The following MAGI2 variants were observed in gnomAD, a reference collection of about 807,000 sequenced individuals.
MAGI2 encodes membrane-associated guanylate kinase, WW and PDZ domain-containing protein 2.
In MAGI2, 35 loss-of-function variants were observed where a neutral mutation model predicts 133.3. That is an observed-to-expected ratio of 0.26 (90% CI 0.20 to 0.35). The LOEUF (loss-of-function observed/expected upper bound fraction) is 0.35, where lower values mean the gene tolerates loss of function less well. Ranked by LOEUF, MAGI2 falls within the 10% of genes least tolerant of loss-of-function variation. The pLI is 1.00. For synonymous variants in MAGI2, 729 were observed against 710.6 expected (o/e 1.03, Z -0.41); for missense variants, 1,636 against 1,863.4 (o/e 0.88, Z 2.25).
intron 2 of MAGI2, among the ~76,000 whole-genome samples, chr7:78,932,719 A>G (rs1472844973): frequency 6.6e-6 from 1 of 152,122 alleles, no homozygotes; most frequent in African/African-American, 2.4e-5. Context: ...ATAGTATTAA[A>G]TTTGTAAAGC....
intron 1 of MAGI2, among the ~76,000 whole-genome samples, chr7:79,271,464 T>C (rs1337994575): frequency 6.6e-6 from 1 of 152,116 alleles, no homozygotes; most frequent in African/African-American, 2.4e-5. Context: ...GGAATCAGCT[T>C]GCCTTGTGTT....
At chr7:78,054,630 G>A (rs1812369884) in intron 21 of MAGI2, among the ~76,000 whole-genome samples, 1 of 150,038 alleles carries the variant, frequency 6.7e-6, no homozygotes, top group Non-Finnish European at 1.5e-5. Flanking sequence ...CTTCTGGAGG[G>A]AAGGACCTGA....
chr7:78,467,162 G>C (rs1477033), intron 6 of MAGI2, among the ~76,000 whole-genome samples: 50,914 of 151,976 alleles, frequency 0.34, 9,403 homozygotes, highest in Non-Finnish European at 0.44. Flanking sequence ...TATTCACTGT[G>C]ATATGCTGGT....
chr7:79,398,947 A>T (rs1845252483), intron 1 of MAGI2, among the ~76,000 whole-genome samples: 1 of 152,114 alleles, frequency 6.6e-6, no homozygotes, highest in South Asian at 2.1e-4. Flanking sequence ...TTTATCTAAG[A>T]ACCCTAAATT....
intron 1 of MAGI2, among the ~76,000 whole-genome samples, chr7:79,317,001 G>GTT (rs1182186678): frequency 4.5e-5 from 6 of 134,200 alleles, no homozygotes; most frequent in Admixed American, 7.5e-5. Context: ...AAAATGTAGG[G>GTT]TTTTTTTTTT....
At chr7:78,792,544 C>A (rs1389796085) in intron 2 of MAGI2, among the ~76,000 whole-genome samples, 2 of 152,158 alleles carry the variant, frequency 1.3e-5, no homozygotes, top group African/African-American at 4.8e-5. Flanking sequence ...CCTACACACC[C>A]AGCCTGTCAA....
intron 1 of MAGI2, among the ~76,000 whole-genome samples, chr7:79,016,326 C>T (rs575973123): frequency 1.6e-4 from 24 of 152,034 alleles, no homozygotes; most frequent in Non-Finnish European, 3.2e-4. Context: ...GACCAGAGCA[C>T]CTTTGGTCTG....
At chr7:79,083,392 G>T (rs1816223342) in intron 1 of MAGI2, among the ~76,000 whole-genome samples, 1 of 150,780 alleles carries the variant, frequency 6.6e-6, no homozygotes, top group African/African-American at 2.4e-5. Flanking sequence ...ACATTAGATG[G>T]TGTTAGATTT....
intron 2 of MAGI2, among the ~76,000 whole-genome samples, chr7:78,985,966 C>A (rs544797682): frequency 6.6e-6 from 1 of 152,118 alleles, no homozygotes; most frequent in Non-Finnish European, 1.5e-5. Flanking sequence ...TTCCATGCAA[C>A]CCAATCAATC....
intron 3 of MAGI2, among the ~76,000 whole-genome samples, chr7:78,606,919 A>C (rs912331867): frequency 6.6e-6 from 1 of 152,122 alleles, no homozygotes; most frequent in Non-Finnish European, 1.5e-5. Context: ...CCCAATTTCT[A>C]ATTTTAAATG....
intron 21 of MAGI2, among the ~76,000 whole-genome samples, chr7:78,057,818 T>C (rs1310100889): frequency 6.6e-6 from 1 of 151,638 alleles, no homozygotes; most frequent in Non-Finnish European, 1.5e-5. Flanking sequence ...TGCCTGGGCA[T>C]TGCCTGATAT....
chr7:78,863,461 T>C (rs959495179), intron 2 of MAGI2, among the ~76,000 whole-genome samples: 1 of 152,178 alleles, frequency 6.6e-6, no homozygotes, highest in East Asian at 1.9e-4. Context: ...GCCAGGCTCT[T>C]TTCAACAACC....
chr7:78,734,428 A>T (rs1280894743), intron 2 of MAGI2, among the ~76,000 whole-genome samples: 4 of 152,136 alleles, frequency 2.6e-5, no homozygotes, highest in Non-Finnish European at 5.9e-5. Context: ...TTCTTGACCT[A>T]CCTCAGTGAG....
intron 2 of MAGI2, among the ~76,000 whole-genome samples, chr7:78,877,813 C>T (rs1462715944): frequency 6.6e-6 from 1 of 152,222 alleles, no homozygotes; most frequent in Non-Finnish European, 1.5e-5. Context: ...TTTAATTTAA[C>T]ATCAGGATAA....
chr7:78,377,953 A>C (rs2151284667), intron 6 of MAGI2, among the ~76,000 whole-genome samples: 1 of 152,194 alleles, frequency 6.6e-6, no homozygotes, highest in African/African-American at 2.4e-5. Flanking sequence ...ATTGCAAACA[A>C]GAAAGTTGTA....
intron 20 of MAGI2, among the ~76,000 whole-genome samples, chr7:78,119,183 G>A (rs1390914644): frequency 6.6e-6 from 1 of 152,152 alleles, no homozygotes; most frequent in East Asian, 1.9e-4. Flanking sequence ...GTGGAACACG[G>A]AGAATTTTTA....
In MAGI2 at chr7:79,431,075, C is replaced by T. The variant is rs545178741; in HGVS notation, c.301+21945G>A. 2.0e-3 allele frequency among the ~76,000 whole-genome samples: 303 copies of T among 152,250 alleles called. 1 individual carries two copies. The highest frequency in any genetic ancestry group is 3.5e-3 in the Non-Finnish European group (240 of 68,024). On this transcript the variant is annotated intron_variant, in intron 1 of 21. Transcript: ENST00000354212. ...CTGGAAATAATCATAATAATTGGAA[C>T]CAGCAGAAAGAAATAGCTGATGCTG...
chr7:78,201,040 T>C lies in MAGI2; in HGVS notation c.2079+122A>G, dbSNP rs573133386. ...GACAAAAGGACACAGAGGATTTATT[T>C]TTTTTACATCACAGACTCCTAGAGT... On this transcript the variant is annotated intron_variant, in intron 11 of 21. Transcript: ENST00000354212. 4 of 639,736 alleles carry C rather than the reference T, an allele frequency of 6.3e-6. No homozygotes were observed. In the South Asian group the frequency reaches 8.3e-5, roughly 13 times the overall value. 39.6% of individuals were successfully genotyped at this position (639,736 alleles called of 1,614,324 possible).
intron 2 of MAGI2, among the ~76,000 whole-genome samples, chr7:78,745,634 C>A (rs1434036573): frequency 6.6e-6 from 1 of 152,058 alleles, no homozygotes; most frequent in East Asian, 1.9e-4. Flanking sequence ...ATTAATGAGT[C>A]AAGTCTCAGA....
Sources: allele counts gnomAD v4.1 joint callset (sites outside exome capture counted in the v4.1 genomes callset), GRCh38; gene constraint gnomAD v4.1.1; transcripts MANE v1.5; gene names NCBI Gene and HGNC (gene_info 2026-07-23, HGNC 2026-07-21).